The following RGS6 variants were observed in gnomAD, a reference collection of about 807,000 sequenced individuals.
RGS6 encodes regulator of G protein signaling 6, also known as regulator of G-protein signaling 6.
Under a neutral mutation model 78.5 loss-of-function variants are expected in RGS6, and 30 were observed. That is an observed-to-expected ratio of 0.38 (90% CI 0.29 to 0.52). RGS6 has a LOEUF of 0.52. RGS6 is among the 20% of genes least tolerant of loss of function. The pLI, the probability that RGS6 is intolerant of heterozygous loss-of-function variation, is 0.85. For missense variants in RGS6, 495 were observed against 609.7 expected, an observed-to-expected ratio of 0.81 and a Z score of 1.98; for synonymous variants, 206 against 206.0, an observed-to-expected ratio of 1.00 and a Z score of 0.00.
intron 2 of RGS6, among the ~76,000 whole-genome samples, chr14:72,084,803 C>G (rs1180563903): frequency 1.3e-5 from 2 of 152,030 alleles, no homozygotes; most frequent in African/African-American, 4.8e-5. Flanking sequence ...TTAATTTTCA[C>G]CAGCTCAGTG....
chr14:72,376,760 A>G (rs2084838113), intron 3 of RGS6, among the ~76,000 whole-genome samples: 1 of 152,218 alleles, frequency 6.6e-6, no homozygotes, highest in Non-Finnish European at 1.5e-5. Flanking sequence ...AAGGAGAAAT[A>G]AAAATTTTCG....
At chr14:72,183,932 A>G (rs1221269511) in intron 2 of RGS6, among the ~76,000 whole-genome samples, 3 of 152,074 alleles carry the variant, frequency 2.0e-5, no homozygotes, top group Non-Finnish European at 2.9e-5. Flanking sequence ...TAGATGATTG[A>G]TGTATGAAAT....
intron 2 of RGS6, among the ~76,000 whole-genome samples, chr14:72,045,254 G>T (rs1219648626): frequency 6.6e-6 from 1 of 152,136 alleles, no homozygotes. Flanking sequence ...TATCTGGTTT[G>T]ATTATTACTT....
At chr14:71,890,510 C>G in the RGS6 span, among the ~76,000 whole-genome samples, 2 of 152,170 alleles carry the variant, frequency 1.3e-5, no homozygotes, top group African/African-American at 2.4e-5. Context: ...TGAGCATAGA[C>G]CTTTGTTCCA....
the RGS6 span, among the ~76,000 whole-genome samples, chr14:71,868,230 G>A: frequency 6.6e-6 from 1 of 152,162 alleles, no homozygotes; most frequent in Non-Finnish European, 1.5e-5. Context: ...TGAGCAGGAT[G>A]GGGAGCTGTG....
rs146421322 is a variant in RGS6, at chr14:72,137,154, C to A, written c.84+172279C>A. Among the ~76,000 whole-genome samples the A allele has an allele frequency of 2.1e-3, 313 of 152,260 alleles. 4 individuals are homozygous for A. The highest frequency in any genetic ancestry group is 1.4e-3 in the Non-Finnish European group (95 of 68,014). On this transcript the variant is annotated intron_variant, in intron 2 of 17. Coordinates refer to ENST00000553525, the MANE Select transcript of RGS6 (RefSeq NM_001204424.2). ...TTCTCACACATAAACTAAGGTGCAG[C>A]CACTGGGTATCAAGCAAGGTTTCCT...
intron 2 of RGS6, among the ~76,000 whole-genome samples, chr14:72,346,624 A>C (rs554853363): frequency 6.6e-6 from 1 of 152,284 alleles, no homozygotes; most frequent in South Asian, 2.1e-4. Context: ...TACTTTGTGA[A>C]GTCTCCAGTT....
At chr14:72,366,296 G>A (rs1003311) in intron 3 of RGS6, among the ~76,000 whole-genome samples, 1 of 152,120 alleles carries the variant, frequency 6.6e-6, no homozygotes, top group African/African-American at 2.4e-5. Flanking sequence ...CTGTGGGTTC[G>A]AAATGTTGGG....
chr14:72,325,181 A>G (rs1275195755), intron 2 of RGS6, among the ~76,000 whole-genome samples: 4 of 152,062 alleles, frequency 2.6e-5, no homozygotes, highest in Non-Finnish European at 4.4e-5. Context: ...CATATCCTTC[A>G]CCCACTTTTT....
At chr14:72,482,881 A>G (rs1225376177) in intron 12 of RGS6, among the ~76,000 whole-genome samples, 2 of 152,244 alleles carry the variant, frequency 1.3e-5, no homozygotes, top group East Asian at 3.8e-4. Context: ...CAGGAAATCA[A>G]ATAACCAAAT....
intron 2 of RGS6, among the ~76,000 whole-genome samples, chr14:72,248,082 CA>C (rs1301118479): frequency 2.0e-5 from 3 of 152,184 alleles, no homozygotes; most frequent in African/African-American, 7.2e-5. Context: ...TATCTTAAGC[CA>C]ACAGTTCTCA....
At chr14:71,871,595 G>A in the RGS6 span, among the ~76,000 whole-genome samples, 1 of 152,050 alleles carries the variant, frequency 6.6e-6, no homozygotes, top group Non-Finnish European at 1.5e-5. Context: ...ATTCCTGACT[G>A]TAGATTTTTT....
chr14:72,045,357 A>G (rs1567087898), intron 2 of RGS6, among the ~76,000 whole-genome samples: 1 of 152,128 alleles, frequency 6.6e-6, no homozygotes, highest in African/African-American at 2.4e-5. Flanking sequence ...GACCTTTAGT[A>G]TAAGGTTTTA....
At chr14:72,612,667 T>C in the RGS6 span, 1 of 512,098 alleles carries the variant, frequency 2.0e-6, no homozygotes, top group Admixed American at 2.0e-5. Context: ...CAAGTCCGTA[T>C]AAACCACAAA....
At chr14:72,585,297 A>G in the RGS6 span, among the ~76,000 whole-genome samples, 1 of 152,288 alleles carries the variant, frequency 6.6e-6, no homozygotes, top group African/African-American at 2.4e-5. Context: ...GTGAATGACA[A>G]CACCATCTAC....
intron 2 of RGS6, among the ~76,000 whole-genome samples, chr14:72,113,104 GCA>G (rs770707773): frequency 6.6e-6 from 1 of 151,730 alleles, no homozygotes; most frequent in East Asian, 1.9e-4. Context: ...GCACACACAT[GCA>G]CACACACACC....
intron 2 of RGS6, among the ~76,000 whole-genome samples, chr14:72,291,607 G>C (rs1441891529): frequency 6.6e-6 from 1 of 152,158 alleles, no homozygotes; most frequent in African/African-American, 2.4e-5. Context: ...AGTGTTTGTT[G>C]AATTGAGAAC....
intron 3 of RGS6, among the ~76,000 whole-genome samples, chr14:72,362,170 C>G (rs2081579931): frequency 6.6e-6 from 1 of 152,114 alleles, no homozygotes; most frequent in Non-Finnish European, 1.5e-5. Flanking sequence ...GACTTGACCC[C>G]TGCTCTTAAA....
At chr14:72,315,583 C>T (rs934646472) in intron 2 of RGS6, among the ~76,000 whole-genome samples, 1 of 152,188 alleles carries the variant, frequency 6.6e-6, no homozygotes, top group Non-Finnish European at 1.5e-5. Flanking sequence ...GTGTTTGATA[C>T]TCCTAAGTTA....
Sources: gnomAD v4.1 joint callset for allele counts (sites outside exome capture counted in the v4.1 genomes callset) on GRCh38, gnomAD v4.1.1 for gene constraint, MANE v1.5 for transcripts, NCBI Gene and HGNC (gene_info 2026-07-23, HGNC 2026-07-21) for gene names.